The following SYT16 variants were observed in gnomAD, a reference collection of about 807,000 sequenced individuals.
SYT16 encodes synaptotagmin-16.
In SYT16, 42 loss-of-function variants were observed where a neutral mutation model predicts 61.4. The observed-to-expected ratio is 0.68, with a 90% CI of 0.53 to 0.89. The LOEUF is 0.89. SYT16 is among the 40% of genes least tolerant of loss of function. SYT16 has a pLI of 0.00. For synonymous variants in SYT16, 314 were observed against 302.3 expected, an observed-to-expected ratio of 1.04 and a Z score of -0.40; for missense variants, 804 against 807.3, an observed-to-expected ratio of 1.00 and a Z score of 0.05.
chr14:61,865,763 A>C (rs1015205682), intron 1 of SYT16, among the ~76,000 whole-genome samples: 1 of 152,030 alleles, frequency 6.6e-6, no homozygotes, highest in African/African-American at 2.4e-5. Flanking sequence ...ATTTTTTTTC[A>C]GCACATGGAG....
chr14:61,844,165 G>A (rs2046375337), intron 1 of SYT16, among the ~76,000 whole-genome samples: 1 of 151,898 alleles, frequency 6.6e-6, no homozygotes, highest in African/African-American at 2.4e-5. Context: ...ATTATAAATG[G>A]TATTACTTTT....
At chr14:61,973,172 C>T (rs1022979038) in intron 2 of SYT16, among the ~76,000 whole-genome samples, 3 of 152,096 alleles carry the variant, frequency 2.0e-5, no homozygotes, top group Admixed American at 1.3e-4. Flanking sequence ...ATTTTCCAAA[C>T]CTACTATGCA....
intron 3 of SYT16, among the ~76,000 whole-genome samples, chr14:62,066,851 G>C (rs1417457865): frequency 6.6e-6 from 1 of 152,218 alleles, no homozygotes; most frequent in African/African-American, 2.4e-5. Context: ...ATGCAGATTA[G>C]GTGGGGTAAC....
At chr14:61,893,603 C>CT (rs943441353) in intron 1 of SYT16, among the ~76,000 whole-genome samples, 1 of 152,284 alleles carries the variant, frequency 6.6e-6, no homozygotes, top group African/African-American at 2.4e-5. Flanking sequence ...GTGACGTTTT[C>CT]TTTTTTTAGC....
intron 1 of SYT16, among the ~76,000 whole-genome samples, chr14:61,947,337 A>G (rs1390164243): frequency 1.4e-5 from 2 of 144,554 alleles, no homozygotes; most frequent in Non-Finnish European, 3.0e-5. Flanking sequence ...GGTTGAGTCA[A>G]AGTCCTCCAG....
chr14:61,856,513 A>G (rs2046781074), intron 1 of SYT16, among the ~76,000 whole-genome samples: 1 of 152,208 alleles, frequency 6.6e-6, no homozygotes, highest in Non-Finnish European at 1.5e-5. Flanking sequence ...GATCATTCTA[A>G]AGTTTTTGCC....
chr14:62,050,060 A>G lies in SYT16; in HGVS notation c.524-19543A>G, dbSNP rs559538654. On this transcript the variant is annotated intron_variant, in intron 3 of 7. Transcript: ENST00000683842. ...GAAGTTCTCCTGGAAAATATCCTGC[A>G]GAGTGTTTTCCAACTTGCCTCCATT... is the stretch of plus-strand genomic sequence containing the variant. 7.9e-4 allele frequency among the ~76,000 whole-genome samples: 120 copies of G among 152,340 alleles called. No individual in the cohort carries two copies. In the South Asian group the frequency reaches 0.022, roughly 28 times the overall value.
chr14:61,900,536 A>C (rs2048476995), intron 1 of SYT16, among the ~76,000 whole-genome samples: 1 of 152,192 alleles, frequency 6.6e-6, no homozygotes, highest in Non-Finnish European at 1.5e-5. Context: ...TTAGGATGTA[A>C]GGGATCTTTG....
chr14:62,072,970 T>C (rs1029768106), intron 4 of SYT16, among the ~76,000 whole-genome samples: 1 of 152,114 alleles, frequency 6.6e-6, no homozygotes, highest in Admixed American at 6.5e-5. Context: ...CAACAGGCAA[T>C]TACTTTTGTG....
intron 1 of SYT16, among the ~76,000 whole-genome samples, chr14:61,951,359 A>G (rs1162404683): frequency 1.3e-5 from 2 of 152,204 alleles, no homozygotes; most frequent in Non-Finnish European, 2.9e-5. Context: ...TTTTATAATC[A>G]TCTTTTCAAA....
intron 1 of SYT16, among the ~76,000 whole-genome samples, chr14:61,861,823 T>C (rs1035654017): frequency 1.6e-4 from 24 of 152,218 alleles, no homozygotes; most frequent in Admixed American, 1.3e-3. Context: ...GGTTTCCTAG[T>C]GCATATAAAA....
chr14:62,098,969 G>C (rs1317970274), intron 7 of SYT16, among the ~76,000 whole-genome samples: 1 of 152,152 alleles, frequency 6.6e-6, no homozygotes, highest in Non-Finnish European at 1.5e-5. Context: ...TCAGAGCATG[G>C]GGAACATGTA....
At chr14:62,046,061 C>T (rs541615924) in intron 3 of SYT16, among the ~76,000 whole-genome samples, 2 of 152,276 alleles carry the variant, frequency 1.3e-5, no homozygotes, top group South Asian at 4.1e-4. Flanking sequence ...AGTTTACAGT[C>T]CCACCAACAG....
At chr14:62,049,613 A>C (rs1270858465) in intron 3 of SYT16, among the ~76,000 whole-genome samples, 1 of 152,176 alleles carries the variant, frequency 6.6e-6, no homozygotes, top group African/African-American at 2.4e-5. Context: ...AGCGGCTGGT[A>C]CCACTTGTTC....
chr14:61,909,378 G>A (rs1275790212), intron 1 of SYT16, among the ~76,000 whole-genome samples: 2 of 152,140 alleles, frequency 1.3e-5, no homozygotes, highest in African/African-American at 2.4e-5. Flanking sequence ...CTGAAATCAG[G>A]GTGTTGGCAG....
chr14:61,981,526 A>G (rs2052075885), intron 2 of SYT16, among the ~76,000 whole-genome samples: 1 of 152,210 alleles, frequency 6.6e-6, no homozygotes, highest in Non-Finnish European at 1.5e-5. Flanking sequence ...AGCTTCAACA[A>G]TTATTAACAA....
intron 1 of SYT16, among the ~76,000 whole-genome samples, chr14:61,855,972 T>C (rs1434357801): frequency 6.6e-6 from 1 of 152,202 alleles, no homozygotes; most frequent in Non-Finnish European, 1.5e-5. Flanking sequence ...CCCATTCAAA[T>C]GTTATCTCCA....
chr14:62,065,843 A>G (rs1008938124), intron 3 of SYT16, among the ~76,000 whole-genome samples: 1 of 152,188 alleles, frequency 6.6e-6, no homozygotes, highest in Admixed American at 6.5e-5. Context: ...TGCCCAGCAC[A>G]TGGAGGCATG....
intron 1 of SYT16, among the ~76,000 whole-genome samples, chr14:61,846,032 A>G (rs114656243): frequency 0.022 from 3,414 of 152,190 alleles, 63 homozygotes; most frequent in African/African-American, 0.052. Flanking sequence ...AAGATGCTTG[A>G]TATTATCTCA....
Sources: allele counts gnomAD v4.1 joint callset (sites outside exome capture counted in the v4.1 genomes callset), GRCh38; gene constraint gnomAD v4.1.1; transcripts MANE v1.5; gene names NCBI Gene and HGNC (gene_info 2026-07-23, HGNC 2026-07-21).